The following EXT1 variants were observed in gnomAD, a reference collection of about 807,000 sequenced individuals.
EXT1 encodes exostosin glycosyltransferase 1.
A neutral mutation model predicts 82.5 loss-of-function variants in EXT1; 20 were observed. That is an observed-to-expected ratio of 0.24 (90% CI 0.17 to 0.35). The LOEUF (loss-of-function observed/expected upper bound fraction) is 0.35. Ranked by LOEUF, EXT1 falls within the 10% of genes least tolerant of loss-of-function variation. The pLI, the probability that EXT1 is intolerant of heterozygous loss-of-function variation, is 1.00. For missense variants in EXT1, 757 were observed against 936.5 expected (o/e 0.81, Z 2.50); for synonymous variants, 348 against 350.8 (o/e 0.99, Z 0.09).
chr8:118,055,238 T>G (rs1816776902), intron 1 of EXT1, among the ~76,000 whole-genome samples: 1 of 152,212 alleles, frequency 6.6e-6, no homozygotes, highest in African/African-American at 2.4e-5. Flanking sequence ...TGGCATCCTA[T>G]AACCTATACA....
At chr8:117,869,476 T>A (rs1394946668) in intron 1 of EXT1, among the ~76,000 whole-genome samples, 1 of 151,798 alleles carries the variant, frequency 6.6e-6, no homozygotes, top group African/African-American at 2.4e-5. Context: ...AGAAGTTTTT[T>A]AAATCCTCCA....
At chr8:117,800,505 G>A (rs539696670) in intron 10 of EXT1, among the ~76,000 whole-genome samples, 55 of 152,260 alleles carry the variant, frequency 3.6e-4, no homozygotes, top group African/African-American at 1.2e-3. Flanking sequence ...CTAAAACTCC[G>A]TTTTCTCTTC....
At chr8:118,000,006 C>T (rs1815627945) in intron 1 of EXT1, among the ~76,000 whole-genome samples, 1 of 151,498 alleles carries the variant, frequency 6.6e-6, no homozygotes, top group Non-Finnish European at 1.5e-5. Context: ...GTACTTTATA[C>T]ACACATACAC....
chr8:118,013,038 G>GT (rs946528134), intron 1 of EXT1, among the ~76,000 whole-genome samples: 76 of 149,756 alleles, frequency 5.1e-4, no homozygotes, highest in African/African-American at 1.3e-3. Flanking sequence ...GTTCACTGAT[G>GT]TTTTTTTTTT....
rs564290274 is a variant in EXT1 at position 117,985,371 on chromosome 8, T to TC, written c.962+124713dup. On this transcript the variant is annotated intron_variant, in intron 1 of 10. Coordinates refer to ENST00000378204, the MANE Select transcript of EXT1 (RefSeq NM_000127.3). ...AGAGAAAACCTCTAGCGGGCACCAATCCTGCCTGTTAATGCCTTGTAGTTC... is the reference window on the plus strand; with the variant it reads ...AGAGAAAACCTCTAGCGGGCACCAATCCCTGCCTGTTAATGCCTTGTAGTTC... Among the ~76,000 whole-genome samples the TC allele has an allele frequency of 5.9e-5, 9 of 152,306 alleles. No individual in the cohort carries two copies. In the South Asian group the frequency reaches 1.9e-3, roughly 32 times the overall value.
intron 1 of EXT1, among the ~76,000 whole-genome samples, chr8:117,919,856 A>T (rs1043796540): frequency 6.6e-6 from 1 of 152,208 alleles, no homozygotes; most frequent in Non-Finnish European, 1.5e-5. Flanking sequence ...ATTATATGAA[A>T]TGAATCAACT....
intron 1 of EXT1, among the ~76,000 whole-genome samples, chr8:118,003,283 CTACACATTGGGTATAGT>C (rs1188919713): frequency 1.3e-5 from 2 of 151,934 alleles, no homozygotes; most frequent in Non-Finnish European, 2.9e-5. Flanking sequence ...GAATAAAAGA[CTACACATTGGGTATAGT>C]TACACTGCTC....
At chr8:117,951,990 C>T (rs1271780076) in intron 1 of EXT1, among the ~76,000 whole-genome samples, 1 of 152,162 alleles carries the variant, frequency 6.6e-6, no homozygotes, top group African/African-American at 2.4e-5. Flanking sequence ...ATATGGCTCA[C>T]AAGACCAAAA....
intron 1 of EXT1, among the ~76,000 whole-genome samples, chr8:118,007,045 C>A (rs951027831): frequency 6.6e-6 from 1 of 152,190 alleles, no homozygotes; most frequent in Non-Finnish European, 1.5e-5. Context: ...CGCCTGTAAT[C>A]CCAGCACTTT....
chr8:117,795,810 A>T lies in EXT1; in HGVS notation c.*3902T>A, dbSNP rs1418810215. ...GGCAAGACTCTGTCTCAAAGAAAAA[A>T]AAAAGACTTGGTGTCAAAGGATAAA... On this transcript the variant is annotated 3_prime_UTR_variant, in exon 11 of 11. Transcript: ENST00000378204. 3 of 152,110 alleles carry T rather than the reference A, an allele frequency of 2.0e-5. No individual in the cohort carries two copies. The highest frequency in any genetic ancestry group is 4.4e-5 in the Non-Finnish European group (3 of 68,030). 9.4% of individuals were successfully genotyped at this position (152,110 alleles called of 1,614,324 possible). A position where few individuals can be genotyped will look rare whatever the true frequency, so the allele number is the denominator to read the frequency against.
chr8:117,966,643 T>C (rs1451309340), intron 1 of EXT1, among the ~76,000 whole-genome samples: 1 of 152,226 alleles, frequency 6.6e-6, no homozygotes, highest in Non-Finnish European at 1.5e-5. Context: ...TATTCTGTTC[T>C]GCATTTCATT....
Position 118,027,590 on chromosome 8 carries a change from T to G in EXT1, c.962+82495A>C, listed in dbSNP as rs562698649. On this transcript the variant is annotated intron_variant, in intron 1 of 10. Coordinates refer to ENST00000378204, the MANE Select transcript of EXT1 (RefSeq NM_000127.3). Reference sequence around the variant, plus strand: ...TCCAAAGAGCAAGCAGATTACTTTTTGACCACACAAGCTTGTGCTAAGCTG... The same window carrying G: ...TCCAAAGAGCAAGCAGATTACTTTTGGACCACACAAGCTTGTGCTAAGCTG... Among the ~76,000 whole-genome samples the G allele has an allele frequency of 3.9e-4, 59 of 152,368 alleles. 1 individual carries two copies. Among genetic ancestry groups the G allele is most frequent in the African/African-American group, 1.4e-3 (58 of 41,586 alleles).
chr8:117,829,620 C>T (rs1348340516), intron 4 of EXT1, among the ~76,000 whole-genome samples: 1 of 135,530 alleles, frequency 7.4e-6, no homozygotes, highest in Non-Finnish European at 1.5e-5. Context: ...GTTGCCCAGG[C>T]TGGAGTATAA....
At chr8:117,919,249 G>A (rs137934878) in intron 1 of EXT1, among the ~76,000 whole-genome samples, 254 of 151,630 alleles carry the variant, frequency 1.7e-3, no homozygotes, top group Middle Eastern at 6.8e-3. Context: ...GTGGTGGTGT[G>A]ATCACATCCC....
chr8:117,941,096 A>G (rs528483630), intron 1 of EXT1, among the ~76,000 whole-genome samples: 1 of 152,298 alleles, frequency 6.6e-6, no homozygotes, highest in South Asian at 2.1e-4. Context: ...CTACAAAGAA[A>G]TAATTCTCTC....
At chr8:118,083,080 C>G (rs1274005252) in intron 1 of EXT1, among the ~76,000 whole-genome samples, 1 of 152,114 alleles carries the variant, frequency 6.6e-6, no homozygotes, top group Non-Finnish European at 1.5e-5. Context: ...GACAGTTAAA[C>G]TGGTGGGGCT....
At position 117,889,482 on chromosome 8, in the gene EXT1, G is replaced by A. The variant is rs1346093628; in HGVS notation, c.963-52281C>T. ...AGACCATATTTTCCTTAAAAAGCTA[G>A]AGTTATTTCTCATGTGATTTCATAT... is the stretch of plus-strand genomic sequence containing the variant. On this transcript the variant is annotated intron_variant, in intron 1 of 10. Coordinates refer to ENST00000378204, the MANE Select transcript of EXT1 (RefSeq NM_000127.3). Among the ~76,000 whole-genome samples the A allele has an allele frequency of 3.3e-5, 5 of 152,212 alleles. No individual in the cohort carries two copies. In the East Asian group the frequency reaches 9.6e-4, roughly 29 times the overall value.
chr8:117,851,186 A>G lies in EXT1; in HGVS notation c.963-13985T>C, dbSNP rs118125149. On this transcript the variant is annotated intron_variant, in intron 1 of 10. Transcript: ENST00000378204. The stretch of plus-strand genomic sequence containing the variant: ...CTGGAAGGCACCACAAAGATCATCC[A>G]GTCCAAATATCCAGATGAAAAAAAG... Among the ~76,000 whole-genome samples the G allele has an allele frequency of 5.3e-3, 813 of 152,286 alleles. 3 individuals are homozygous for G. The highest frequency in any genetic ancestry group is 7.7e-3 in the Non-Finnish European group (527 of 68,014).
At chr8:117,932,895 A>C (rs1051667296) in intron 1 of EXT1, among the ~76,000 whole-genome samples, 25 of 151,534 alleles carry the variant, frequency 1.6e-4, no homozygotes, top group Non-Finnish European at 3.2e-4. Context: ...CAGCACTCAG[A>C]GTGGCTGAGT....
Sources: allele counts gnomAD v4.1 joint callset (sites outside exome capture counted in the v4.1 genomes callset), GRCh38; gene constraint gnomAD v4.1.1; transcripts MANE v1.5; gene names NCBI Gene and HGNC (gene_info 2026-07-23, HGNC 2026-07-21).